Variants in COP1 observed in about 807,000 individuals in gnomAD.
The protein encoded by COP1 is COP1 E3 ubiquitin ligase, also known as E3 ubiquitin-protein ligase COP1.
In COP1, 24 loss-of-function variants were observed where a neutral mutation model predicts 101.3. The observed-to-expected ratio is 0.24, with a 90% CI of 0.17 to 0.33. The LOEUF is 0.33. Ranked by LOEUF, COP1 falls within the 10% of genes least tolerant of loss-of-function variation. The pLI, the probability that COP1 is intolerant of heterozygous loss-of-function variation, is 1.00. For synonymous variants in COP1, 347 were observed against 341.9 expected (o/e 1.01, Z -0.17); for missense variants, 663 against 906.2 (o/e 0.73, Z 3.45).
At chr1:175,947,923 A>G (rs1043527515) in intron 18 of COP1, among the ~76,000 whole-genome samples, 3 of 152,204 alleles carry the variant, frequency 2.0e-5, no homozygotes, top group Admixed American at 2.0e-4. Context: ...TTCTTCATTC[A>G]TTTTCTCTCA....
chr1:175,949,234 G>A (rs1363181658), intron 18 of COP1, among the ~76,000 whole-genome samples: 1 of 118,662 alleles, frequency 8.4e-6, no homozygotes, highest in Non-Finnish European at 1.7e-5. Flanking sequence ...AATTAACTTT[G>A]GAATATTATG....
intron 6 of COP1, among the ~76,000 whole-genome samples, chr1:176,148,414 CAA>C (rs1278332352): frequency 2.5e-4 from 38 of 150,728 alleles, no homozygotes; most frequent in Admixed American, 2.4e-3. Flanking sequence ...AAAAAGTTTT[CAA>C]AGTTATTTTA....
At chr1:176,122,630 T>C (rs921262474) in intron 8 of COP1, among the ~76,000 whole-genome samples, 23 of 152,186 alleles carry the variant, frequency 1.5e-4, no homozygotes, top group African/African-American at 5.3e-4. Flanking sequence ...CCAGCACCTC[T>C]TGTCTTCTTT....
intron 18 of COP1, among the ~76,000 whole-genome samples, chr1:175,970,445 G>A (rs1034818297): frequency 1.3e-5 from 2 of 152,144 alleles, no homozygotes; most frequent in African/African-American, 4.8e-5. Flanking sequence ...AATAAAGTTA[G>A]ATGGATAGCA....
chr1:176,028,748 TTTATTA>T (rs1032092893), intron 14 of COP1, among the ~76,000 whole-genome samples: 2 of 138,354 alleles, frequency 1.4e-5, no homozygotes, highest in African/African-American at 5.3e-5. Context: ...TATTATTCTT[TTTATTA>T]TTATTATTAT....
chr1:176,016,100 A>G (rs1012116751), intron 15 of COP1, among the ~76,000 whole-genome samples: 24 of 152,198 alleles, frequency 1.6e-4, no homozygotes, highest in African/African-American at 5.8e-4. Context: ...TGAGGTGGCA[A>G]TGAATACTGA....
At chr1:176,193,708 A>G (rs1002121969) in intron 1 of COP1, among the ~76,000 whole-genome samples, 2 of 152,136 alleles carry the variant, frequency 1.3e-5, no homozygotes, top group African/African-American at 2.4e-5. Context: ...GATACAAAAG[A>G]CCATATATTA....
At chr1:176,095,221 A>G (rs767755573) in intron 9 of COP1, among the ~76,000 whole-genome samples, 1 of 152,206 alleles carries the variant, frequency 6.6e-6, no homozygotes, top group Non-Finnish European at 1.5e-5. Context: ...CCATACACAC[A>G]TTTTCATACA....
intron 14 of COP1, among the ~76,000 whole-genome samples, chr1:176,032,539 A>T (rs1469025600): frequency 6.6e-6 from 1 of 152,068 alleles, no homozygotes; most frequent in Admixed American, 6.6e-5. Flanking sequence ...GCTCAGTCTC[A>T]ACACACTGCA....
chr1:175,960,472 CAAGG>C (rs1193532506), intron 18 of COP1, among the ~76,000 whole-genome samples: 11 of 152,124 alleles, frequency 7.2e-5, no homozygotes, highest in Admixed American at 6.5e-5. Flanking sequence ...CTTAGCAGTT[CAAGG>C]AAGGCAAGCA....
chr1:176,173,096 G>C (rs1696337309), intron 3 of COP1, among the ~76,000 whole-genome samples: 1 of 152,056 alleles, frequency 6.6e-6, no homozygotes, highest in African/African-American at 2.4e-5. Flanking sequence ...GTGATCACGA[G>C]GTCAGGAGTT....
chr1:176,042,562 CA>C (rs1171580353), intron 14 of COP1, among the ~76,000 whole-genome samples: 57 of 53,102 alleles, frequency 1.1e-3, no homozygotes, highest in East Asian at 4.2e-3. Flanking sequence ...GAATCCGTCT[CA>C]AAAAAAAAAA....
intron 18 of COP1, among the ~76,000 whole-genome samples, chr1:175,950,280 A>G (rs1251584863): frequency 6.6e-6 from 1 of 152,174 alleles, no homozygotes; most frequent in Non-Finnish European, 1.5e-5. Context: ...ACTGAAATTT[A>G]ATGAAAGAAA....
At chr1:175,999,033 A>T (rs992671767) in intron 15 of COP1, among the ~76,000 whole-genome samples, 1 of 152,128 alleles carries the variant, frequency 6.6e-6, no homozygotes, top group Non-Finnish European at 1.5e-5. Context: ...TTTCCATTTT[A>T]AAACACATCA....
chr1:176,069,537 T>C (rs1676605125), intron 11 of COP1, among the ~76,000 whole-genome samples: 2 of 152,232 alleles, frequency 1.3e-5, no homozygotes, highest in Admixed American at 1.3e-4. Context: ...GAATACCCAC[T>C]AGGTATCAAG....
intron 8 of COP1, among the ~76,000 whole-genome samples, chr1:176,134,664 A>G (rs1689508302): frequency 1.3e-5 from 2 of 151,906 alleles, no homozygotes; most frequent in Admixed American, 1.3e-4. Context: ...ATTTTATCAC[A>G]TTTTTCCCTA....
intron 9 of COP1, among the ~76,000 whole-genome samples, chr1:176,115,440 T>C (rs922272007): frequency 6.9e-6 from 1 of 145,102 alleles, no homozygotes; most frequent in African/African-American, 2.6e-5. Flanking sequence ...GGAGCGGGAC[T>C]CTGTCTCAAA....
rs930972925 is a variant in COP1 at position 176,042,127 on chromosome 1, C to T, written c.1612+1059G>A. 6.0e-5 allele frequency among the ~76,000 whole-genome samples: 9 copies of T among 150,908 alleles called. No individual in the cohort carries two copies. The South Asian group carries it at 6.3e-4, about 11-fold the overall frequency. On this transcript the variant is annotated intron_variant, in intron 14 of 19. Coordinates refer to ENST00000367669, the MANE Select transcript of COP1 (RefSeq NM_022457.7). ...ATTACGTCTCAAAAAAAAAATTAGCCGAGTGTGGCGGTGCACACCTATAAT... is the reference window on the plus strand; with the variant it reads ...ATTACGTCTCAAAAAAAAAATTAGCTGAGTGTGGCGGTGCACACCTATAAT...
At chr1:175,988,001 AAT>A (rs1222403459) in intron 17 of COP1, among the ~76,000 whole-genome samples, 1 of 152,194 alleles carries the variant, frequency 6.6e-6, no homozygotes, top group East Asian at 1.9e-4. Flanking sequence ...TCTTCTACAC[AAT>A]ATCTAAAGAA....
Sources: allele counts gnomAD v4.1 joint callset (sites outside exome capture counted in the v4.1 genomes callset), GRCh38; gene constraint gnomAD v4.1.1; transcripts MANE v1.5; gene names NCBI Gene and HGNC (gene_info 2026-07-23, HGNC 2026-07-21).